ANO2: variants seen among roughly 807,000 people sequenced by gnomAD.
ANO2 encodes the protein anoctamin-2.
A neutral mutation model predicts 124.2 loss-of-function variants in ANO2; 101 were observed. The observed-to-expected ratio is 0.81, with a 90% confidence interval of 0.69 to 0.96. The LOEUF (loss-of-function observed/expected upper bound fraction) is 0.96. ANO2 is among the 40% of genes least tolerant of loss of function. ANO2 has a pLI of 0.00. For synonymous variants in ANO2, 486 were observed against 482.5 expected, an observed-to-expected ratio of 1.01 and a Z score of -0.09; for missense variants, 1,293 against 1,274.5, an observed-to-expected ratio of 1.01 and a Z score of -0.22.
At chr12:5,818,950 A>G (rs1953698680) in intron 7 of ANO2, among the ~76,000 whole-genome samples, 1 of 152,230 alleles carries the variant, frequency 6.6e-6, no homozygotes, top group Non-Finnish European at 1.5e-5. Flanking sequence ...CTGAGCATCA[A>G]ATCTGCTAAG....
chr12:5,938,993 C>T (rs991507086), intron 1 of ANO2, among the ~76,000 whole-genome samples: 3 of 151,156 alleles, frequency 2.0e-5, no homozygotes, highest in African/African-American at 4.9e-5. Flanking sequence ...CCGAGGCAGG[C>T]GGATGATGAG....
chr12:5,857,557 T>A (rs955538825), intron 3 of ANO2, among the ~76,000 whole-genome samples: 6 of 152,192 alleles, frequency 3.9e-5, no homozygotes, highest in Non-Finnish European at 8.8e-5. Flanking sequence ...TTTTTTATAA[T>A]AGCCATTCTA....
chr12:5,571,326 G>A (rs1942103952), intron 23 of ANO2, among the ~76,000 whole-genome samples: 1 of 152,256 alleles, frequency 6.6e-6, no homozygotes, highest in African/African-American at 2.4e-5. Flanking sequence ...TGTTTACGGA[G>A]CAGCCCTGCC....
chr12:5,872,919 G>A (rs144872992), intron 3 of ANO2, among the ~76,000 whole-genome samples: 55 of 152,216 alleles, frequency 3.6e-4, no homozygotes, highest in African/African-American at 1.3e-3. Context: ...AAGATCCAGC[G>A]TGCAGAGATG....
rs536560381 is a variant in ANO2, at chr12:5,888,138, C to T, written c.534+32902G>A. On this transcript the variant is annotated intron_variant, in intron 3 of 24. Coordinates refer to ENST00000682330, the MANE Select transcript of ANO2 (RefSeq NM_001364791.2). ...TCGGATGTGTTCGGAGTTTCTTCCT[C>T]CTGGTGGGTTTGTGGTCTCGCTGGA... 5.5e-3 allele frequency among the ~76,000 whole-genome samples: 830 copies of T among 151,804 alleles called. 8 individuals carry two copies. Among genetic ancestry groups the T allele is most frequent in the Middle Eastern group, 0.017 (5 of 292 alleles).
At chr12:5,928,308 C>A (rs935362488) in intron 1 of ANO2, among the ~76,000 whole-genome samples, 5 of 152,222 alleles carry the variant, frequency 3.3e-5, no homozygotes, top group Non-Finnish European at 7.3e-5. Context: ...CCTCCCAAAG[C>A]CACTGCTTCC....
intron 23 of ANO2, among the ~76,000 whole-genome samples, chr12:5,572,148 A>G (rs1942164194): frequency 6.6e-6 from 1 of 152,106 alleles, no homozygotes; most frequent in African/African-American, 2.4e-5. Flanking sequence ...GCCCTAAGAG[A>G]GACTCCACGC....
chr12:5,796,015 A>G (rs1455910523), intron 10 of ANO2, among the ~76,000 whole-genome samples: 1 of 152,164 alleles, frequency 6.6e-6, no homozygotes, highest in African/African-American at 2.4e-5. Flanking sequence ...GTTTCTGACA[A>G]GGCACAAGTG....
At position 5,662,591 on chromosome 12, in the gene ANO2, G is replaced by A. The variant is rs1170960343; in HGVS notation, c.1546-14790C>T. ...ACAGTCATCGCTCTTATGCCAGGAT[G>A]CAGACAACATACATCTAAAATAGTG... On this transcript the variant is annotated intron_variant, in intron 14 of 24. Transcript: ENST00000682330. 2.6e-5 allele frequency among the ~76,000 whole-genome samples: 4 copies of A among 152,192 alleles called. No individual in the cohort carries two copies. In the East Asian group the frequency reaches 7.7e-4, roughly 29 times the overall value.
chr12:5,939,406 T>C (rs1419983837), intron 1 of ANO2, among the ~76,000 whole-genome samples: 1 of 152,060 alleles, frequency 6.6e-6, no homozygotes, highest in Non-Finnish European at 1.5e-5. Context: ...GCACCTACCG[T>C]GTGTCAGGCT....
intron 16 of ANO2, among the ~76,000 whole-genome samples, chr12:5,629,422 A>T (rs17787680): frequency 0.041 from 6,311 of 152,252 alleles, 236 homozygotes; most frequent in East Asian, 0.16. Flanking sequence ...TCCTGCTCCC[A>T]GATGTATGGC....
intron 14 of ANO2, among the ~76,000 whole-genome samples, chr12:5,676,288 C>T (rs1028252836): frequency 1.3e-5 from 2 of 152,192 alleles, no homozygotes; most frequent in Admixed American, 6.5e-5. Context: ...AACACTCAGC[C>T]ATGGCTTAGA....
chr12:5,929,495 C>T (rs61908430), intron 1 of ANO2, among the ~76,000 whole-genome samples: 19,670 of 65,254 alleles, frequency 0.3, 4,560 homozygotes, highest in South Asian at 0.47. Flanking sequence ...TTTCCTTACT[C>T]GTCTACCTTC....
chr12:5,907,372 C>A (rs1940769357), intron 3 of ANO2, among the ~76,000 whole-genome samples: 1 of 152,200 alleles, frequency 6.6e-6, no homozygotes, highest in Non-Finnish European at 1.5e-5. Context: ...AATTAGGAAT[C>A]TAGTAAGTAG....
intron 14 of ANO2, among the ~76,000 whole-genome samples, chr12:5,666,731 T>G (rs1184857808): frequency 6.6e-6 from 1 of 152,150 alleles, no homozygotes; most frequent in Non-Finnish European, 1.5e-5. Context: ...GGCAAAGAAT[T>G]AACCTCAACC....
chr12:5,662,367 C>T (rs1271317882), intron 14 of ANO2, among the ~76,000 whole-genome samples: 2 of 152,042 alleles, frequency 1.3e-5, no homozygotes, highest in Non-Finnish European at 2.9e-5. Flanking sequence ...GCAGAGGTGC[C>T]AGGCTTCTTA....
At chr12:5,691,939 T>C (rs1591920097) in intron 14 of ANO2, among the ~76,000 whole-genome samples, 1 of 150,994 alleles carries the variant, frequency 6.6e-6, no homozygotes, top group East Asian at 1.9e-4. Context: ...GAGTGGTGAA[T>C]AAGGTGAAGC....
chr12:5,867,778 G>GAAAAAAAAAAAAAAAAAAAAAAAAAAAAA (rs10622876), intron 3 of ANO2, among the ~76,000 whole-genome samples: 1 of 78,546 alleles, frequency 1.3e-5, no homozygotes, highest in Non-Finnish European at 2.3e-5. Context: ...GCACTATAAT[G>GAAAAAAAAAAAAAAAAAAAAAAAAAAAAA]AAAAAAAAAA....
At chr12:5,745,225 C>A (rs1415359110) in intron 11 of ANO2, among the ~76,000 whole-genome samples, 1 of 152,186 alleles carries the variant, frequency 6.6e-6, no homozygotes, top group East Asian at 1.9e-4. Flanking sequence ...ACCCTCTATA[C>A]CATACACTGA....
Sources: gnomAD v4.1 joint callset for allele counts (sites outside exome capture counted in the v4.1 genomes callset) on GRCh38, gnomAD v4.1.1 for gene constraint, MANE v1.5 for transcripts, NCBI Gene and HGNC (gene_info 2026-07-23, HGNC 2026-07-21) for gene names.